ZNF737: variants seen among roughly 807,000 people sequenced by gnomAD.
ZNF737 encodes zinc finger protein 102 (Y3).
A neutral mutation model predicts 11.7 loss-of-function variants in ZNF737; 13 were observed. The ratio of observed to expected loss-of-function variants is 1.11; its 90% CI spans 0.73 to 1.77. The LOEUF (loss-of-function observed/expected upper bound fraction) is 1.77. Ranked by LOEUF, ZNF737 falls within the 40% of genes most tolerant of loss-of-function variation. The pLI, the probability that ZNF737 is intolerant of heterozygous loss-of-function variation, is 0.00. For missense variants in ZNF737, 636 were observed against 638.0 expected (o/e 1.00, Z 0.03); for synonymous variants, 217 against 216.2 (o/e 1.00, Z -0.03).
downstream of ZNF737, among the ~76,000 whole-genome samples, chr19:20,532,721 A>AGAAAT (rs1450917510): frequency 1.3e-5 from 2 of 150,126 alleles, no homozygotes; most frequent in Non-Finnish European, 3.0e-5. Context: ...AGGAACTGCC[A>AGAAAT]GAAATGCTTG....
Position 20,539,745 on chromosome 19 carries a change from G to T in ZNF737, c.*4847C>A, listed in dbSNP as rs1341489408. ...CAGACAATTAGGTATACTTTTTGAA[G>T]TAAGTTCAATTTTAGGACATTACCC... On this transcript the variant is annotated 3_prime_UTR_variant, in exon 4 of 4. Transcript: ENST00000427401. 4 of 985,028 alleles carry T rather than the reference G, an allele frequency of 4.1e-6. No individual in the cohort carries two copies. The highest frequency in any genetic ancestry group is 6.2e-5 in the Admixed American group (1 of 16,254). 61.0% of individuals were successfully genotyped at this position (985,028 alleles called of 1,614,324 possible).
At position 20,552,350 on chromosome 19, in the gene ZNF737, A is replaced by C. The variant is rs921078300; in HGVS notation, c.226+125T>G. ...TAAAAAAGAAAAAAAAAAAAAAAAC[A>C]GCTCCCAGGAACTATTTTCTTTGGA... On this transcript the variant is annotated intron_variant, in intron 3 of 3. Coordinates refer to ENST00000427401, the MANE Select transcript of ZNF737 (RefSeq NM_001159293.2). The C allele has an allele frequency of 3.8e-5, 20 of 529,922 alleles. No individual in the cohort carries two copies. In the Middle Eastern group the frequency reaches 1.2e-3, roughly 31 times the overall value. The allele number at this position is 529,922 out of a possible 1,614,324, so 32.8% of individuals were successfully genotyped here. A position where few individuals can be genotyped will look rare whatever the true frequency, so the allele number is the denominator to read the frequency against.
At position 20,565,770 on chromosome 19, in the gene ZNF737, G is replaced by A. The variant is rs532705723; in HGVS notation, c.-130C>T. ...CAGTGAAGACAAGACCTGGAGCTCC[G>A]GCTGCAGAGACAAAGGCCCCGCAAA... On this transcript the variant is annotated 5_prime_UTR_variant, in exon 1 of 4. Transcript: ENST00000427401. 7.4e-6 allele frequency: 11 copies of A among 1,477,620 alleles called. No individual in the cohort carries two copies. The South Asian group carries it at 1.0e-4, about 14-fold the overall frequency. The allele number at this position is 1,477,620 out of a possible 1,614,324, so 91.5% of individuals were successfully genotyped here. A position where few individuals can be genotyped will look rare whatever the true frequency, so the allele number is the denominator to read the frequency against.
In ZNF737 at chr19:20,545,983, GAAAC is replaced by G; in HGVS notation, c.227-11_227-8del. On this transcript the variant is annotated splice_polypyrimidine_tract_variant and splice_region_variant and intron_variant, in intron 3 of 3. Coordinates refer to ENST00000427401, the MANE Select transcript of ZNF737 (RefSeq NM_001159293.2). The stretch of plus-strand genomic sequence containing the variant: ...GCAAAATGAGAACACGTAACTGAAA[GAAAC>G]AATAAAAGCACATTACTTCAATTGG... The G allele has an allele frequency of 2.0e-6, 3 of 1,534,158 alleles. No individual in the cohort carries two copies. The South Asian group carries it at 4.0e-5, about 20-fold the overall frequency.
chr19:20,553,994 A>G (rs782099739), intron 1 of ZNF737, among the ~76,000 whole-genome samples, 159 bp from the exon 2 acceptor site: 3 of 152,240 alleles, frequency 2.0e-5, no homozygotes, highest in Non-Finnish European at 4.4e-5. Flanking sequence ...AATATTCTCT[A>G]AAGTATTCTC....
rs782794872 is a variant in ZNF737 at position 20,542,149 on chromosome 19, G to A, written c.*2443C>T. The stretch of plus-strand genomic sequence containing the variant: ...TTGAGTAAAGTGGGATACAGTTAGT[G>A]GCACAATAATGGTTCATTAAACGCA... On this transcript the variant is annotated 3_prime_UTR_variant, in exon 4 of 4. Coordinates refer to ENST00000427401, the MANE Select transcript of ZNF737 (RefSeq NM_001159293.2). 2.0e-4 allele frequency: 200 copies of A among 985,098 alleles called. No individual in the cohort carries two copies. The highest frequency in any genetic ancestry group is 5.2e-4 in the Middle Eastern group (1 of 1,912). 61.0% of individuals were successfully genotyped at this position (985,098 alleles called of 1,614,324 possible). A position where few individuals can be genotyped will look rare whatever the true frequency, so the allele number is the denominator to read the frequency against.
In ZNF737 at chr19:20,545,134, T is replaced by C. The variant is rs1158476809; in HGVS notation, c.1069A>G (p.Thr357Ala). The part of the protein sequence containing the change: ...GRAFKYFSSL[T>A]THKIIHSGEK... ...CCACTATGAATTATCTTGTGTGTAGTAAGGGATGAGAAGTACTTAAAGGCT... is the reference window on the plus strand; with the variant it reads ...CCACTATGAATTATCTTGTGTGTAGCAAGGGATGAGAAGTACTTAAAGGCT... The change falls in exon 4 of 4, where the codon ACT becomes GCT. Residue 357 changes from threonine to alanine, a missense_variant. By Grantham distance (58) the Thr-to-Ala change is moderately conservative. Transcript: ENST00000427401. 6.2e-7 allele frequency: 1 copy of C among 1,611,492 alleles called. No homozygotes were observed. The highest frequency in any genetic ancestry group is 1.7e-5 in the Admixed American group (1 of 59,894).
chr19:20,565,230 C>T (rs534813024), intron 1 of ZNF737, among the ~76,000 whole-genome samples: 3 of 152,152 alleles, frequency 2.0e-5, no homozygotes, highest in Admixed American at 6.5e-5. Flanking sequence ...CGACTGCGCC[C>T]GGCCCCATAA....
Position 20,538,999 on chromosome 19 carries a change from T to C in ZNF737, c.*5593A>G, listed in dbSNP as rs1020466437. ...TGTACATAATGTGCATTTTCCTGCCTACCAAAATTATTCTGGCTGGGAAAA... is the reference window on the plus strand; with the variant it reads ...TGTACATAATGTGCATTTTCCTGCCCACCAAAATTATTCTGGCTGGGAAAA... On this transcript the variant is annotated 3_prime_UTR_variant, in exon 4 of 4. Coordinates refer to ENST00000427401, the MANE Select transcript of ZNF737 (RefSeq NM_001159293.2). 9 of 985,264 alleles carry C rather than the reference T, an allele frequency of 9.1e-6. No individual in the cohort carries two copies. The South Asian group carries it at 3.3e-4, about 36-fold the overall frequency. 61.0% of individuals were successfully genotyped at this position (985,264 alleles called of 1,614,324 possible).
At chr19:20,530,605 C>T in the ZNF737 span, among the ~76,000 whole-genome samples, 17 of 144,964 alleles carry the variant, frequency 1.2e-4, 2 homozygotes, top group African/African-American at 3.3e-4. Context: ...GTGGCCGGGC[C>T]GAGGTGCTCC....
downstream of ZNF737, among the ~76,000 whole-genome samples, chr19:20,537,705 T>G (rs1218872060): frequency 6.6e-6 from 1 of 151,068 alleles, no homozygotes; most frequent in Non-Finnish European, 1.5e-5. Context: ...TTAGTAGAGA[T>G]GGGGTTTCAC....
At chr19:20,537,474 T>C (rs1279007243), downstream of ZNF737, among the ~76,000 whole-genome samples, 1 of 147,452 alleles carries the variant, frequency 6.8e-6, no homozygotes, top group Non-Finnish European at 1.5e-5. Flanking sequence ...AATGCTGACA[T>C]TACAGGCGCG....
At position 20,541,783 on chromosome 19, in the gene ZNF737, A is replaced by G. The variant is rs1251984891; in HGVS notation, c.*2809T>C. On this transcript the variant is annotated 3_prime_UTR_variant, in exon 4 of 4. Transcript: ENST00000427401. ...GATCATAGAAATAATTCTGTAGTCA[A>G]TAACAATTTAATTGTACATTTTAAA... Among the ~76,000 whole-genome samples, 1 of 152,196 alleles carries G rather than the reference A, an allele frequency of 6.6e-6. No homozygotes were observed. Among genetic ancestry groups the G allele is most frequent in the Non-Finnish European group, 1.5e-5 (1 of 68,038 alleles).
At chr19:20,554,214 A>G (rs1968801612) in intron 1 of ZNF737, among the ~76,000 whole-genome samples, 1 of 152,238 alleles carries the variant, frequency 6.6e-6, no homozygotes, top group East Asian at 1.9e-4. Flanking sequence ...CAATAAGTTG[A>G]AGACCTTGTT....
At chr19:20,554,138 G>A (rs1968797960) in intron 1 of ZNF737, among the ~76,000 whole-genome samples, 1 of 152,176 alleles carries the variant, frequency 6.6e-6, no homozygotes, top group Non-Finnish European at 1.5e-5. Context: ...GGAATGAGCT[G>A]TGAATATTTT....
In ZNF737 at chr19:20,552,500, T is replaced by C; in HGVS notation, c.201A>G (p.Lys67=). Residue 67 remains lysine, a synonymous_variant, in exon 3 of 4, where the codon AAA becomes AAG. Transcript: ENST00000427401. ...CTGAGGGGTTGGCTACCATCTCATG[T>C]TTCTTCATGGTCAAAGGTTTTTTTC... ...EQGKKPLTMK[K]HEMVANPSVT... 6.3e-7 allele frequency: 1 copy of C among 1,595,558 alleles called. No homozygotes were observed.
intron 3 of ZNF737, among the ~76,000 whole-genome samples, chr19:20,548,980 A>AAAC (rs1491170549): frequency 1.5e-5 from 1 of 66,502 alleles, no homozygotes; most frequent in Non-Finnish European, 3.0e-5. Context: ...AAAAAAAAAA[A>AAAC]CAATTATGTA....
At chr19:20,530,521 G>A in the ZNF737 span, among the ~76,000 whole-genome samples, 1 of 147,498 alleles carries the variant, frequency 6.8e-6, no homozygotes, top group Non-Finnish European at 1.5e-5. Context: ...TGGGGCGGTT[G>A]CCAGGCGGAG....
At chr19:20,558,814 T>C (rs572598444) in intron 1 of ZNF737, among the ~76,000 whole-genome samples, 1 of 152,314 alleles carries the variant, frequency 6.6e-6, no homozygotes, top group African/African-American at 2.4e-5. Context: ...GATGGCCCAA[T>C]GATAAGCCAG....
Sources: allele counts gnomAD v4.1 joint callset (sites outside exome capture counted in the v4.1 genomes callset), GRCh38; gene constraint gnomAD v4.1.1; transcripts MANE v1.5; gene names NCBI Gene and HGNC (gene_info 2026-07-23, HGNC 2026-07-21).